The following PDCD7 variants were observed in gnomAD, a reference collection of about 807,000 sequenced individuals.
PDCD7 encodes programmed cell death protein 7.
PDCD7 carries 40 observed loss-of-function variants against 42.1 expected under a neutral mutation model. The ratio of observed to expected loss-of-function variants is 0.95; its 90% CI spans 0.74 to 1.24. The LOEUF (loss-of-function observed/expected upper bound fraction) is 1.24. PDCD7 is among the 50% of genes most tolerant of loss of function. PDCD7 has a pLI of 0.00. For synonymous variants in PDCD7, 299 were observed against 303.3 expected (o/e 0.99, Z 0.15); for missense variants, 644 against 662.8 (o/e 0.97, Z 0.31).
At chr15:65,118,991 A>G (rs1452807285) in intron 4 of PDCD7, 151 bp from the exon 5 acceptor site, 2 of 528,788 alleles carry the variant, frequency 3.8e-6, no homozygotes, top group East Asian at 6.7e-5. Flanking sequence ...AAATGACTAT[A>G]TTTCTTAAAT....
chr15:65,120,009 C>T, intron 2 of PDCD7, 55 bp from the exon 3 acceptor site: 2 of 1,547,148 alleles, frequency 1.3e-6, no homozygotes, highest in African/African-American at 2.8e-5. Flanking sequence ...GAGACAAGGC[C>T]TCGCTCTAAC....
chr15:65,127,439 G>A (rs938430453), intron 2 of PDCD7, among the ~76,000 whole-genome samples: 1 of 149,530 alleles, frequency 6.7e-6, no homozygotes, highest in East Asian at 1.9e-4. Context: ...AGTCCGGCCT[G>A]GGCGACAGAG....
At position 65,119,804 on chromosome 15, in the gene PDCD7, C is replaced by A. The variant is rs1273439450; in HGVS notation, c.1160G>T (p.Arg387Ile). Residue 387 changes from arginine to isoleucine, a missense_variant, in exon 3 of 5, where the codon AGA becomes ATA. By Grantham distance (97) the Arg-to-Ile change is moderately conservative. Transcript: ENST00000204549. ...LEGEQEEERK[R>I]ELEKKQRKEK... The stretch of plus-strand genomic sequence containing the variant: ...TTTTCTTTGTTTCTTTTCTAATTCT[C>A]TTTTCCTCTCTTCCTCTTGTTCTCC... The A allele has an allele frequency of 1.9e-6, 3 of 1,613,518 alleles. No homozygotes were observed. In the East Asian group the frequency reaches 6.7e-5, roughly 36 times the overall value.
At chr15:65,127,733 T>C (rs1256874823) in intron 2 of PDCD7, among the ~76,000 whole-genome samples, 1 of 152,198 alleles carries the variant, frequency 6.6e-6, no homozygotes, top group Non-Finnish European at 1.5e-5. Flanking sequence ...TAGATAATGA[T>C]TTTCCTAAAA....
chr15:65,120,528 G>A (rs1287284327), intron 2 of PDCD7, among the ~76,000 whole-genome samples: 1 of 152,086 alleles, frequency 6.6e-6, no homozygotes, highest in East Asian at 1.9e-4. Context: ...CTAACACGGT[G>A]AAACCCCGTC....
At chr15:65,123,250 C>A (rs531630407) in intron 2 of PDCD7, among the ~76,000 whole-genome samples, 1 of 152,162 alleles carries the variant, frequency 6.6e-6, no homozygotes, top group Non-Finnish European at 1.5e-5. Context: ...TACAGTGGCG[C>A]GATCTCACCT....
chr15:65,131,215 T>C (rs553925935), intron 1 of PDCD7, among the ~76,000 whole-genome samples: 1 of 152,144 alleles, frequency 6.6e-6, no homozygotes, highest in African/African-American at 2.4e-5. Context: ...AGAAGTGAAC[T>C]GCGCATGGAA....
intron 2 of PDCD7, among the ~76,000 whole-genome samples, chr15:65,123,922 T>C (rs577003083): frequency 6.6e-6 from 1 of 152,296 alleles, no homozygotes; most frequent in East Asian, 1.9e-4. Context: ...CCTTTACAGG[T>C]AAATATTTTA....
At position 65,133,637 on chromosome 15, in the gene PDCD7, G is replaced by T. The variant is rs2087563186; in HGVS notation, c.145C>A (p.Pro49Thr). The change falls in exon 1 of 5, where the codon CCG becomes ACG. Residue 49 changes from proline to threonine, a missense_variant. Pro to Thr is a conservative substitution (Grantham distance 38). Coordinates refer to ENST00000204549, the MANE Select transcript of PDCD7 (RefSeq NM_005707.2). ...PPLPQRPGPF[P>T]GASAPFLQPP... is the part of the protein sequence containing the mutation. ...TGAAGGAAGGGGGCGGAGGCCCCCG[G>T]AAAAGGGCCGGGCCGCTGGGGGAGA... The T allele has an allele frequency of 8.0e-7, 1 of 1,253,272 alleles. No homozygotes were observed. Among genetic ancestry groups the T allele is most frequent in the African/African-American group, 1.5e-5 (1 of 64,560 alleles). 77.6% of individuals were successfully genotyped at this position (1,253,272 alleles called of 1,614,324 possible).
At chr15:65,132,463 G>A (rs1223078625) in intron 1 of PDCD7, among the ~76,000 whole-genome samples, 3 of 151,994 alleles carry the variant, frequency 2.0e-5, no homozygotes, top group African/African-American at 7.2e-5. Flanking sequence ...TCTTGGCCAG[G>A]CTGGTCTTGA....
Position 65,119,366 on chromosome 15 carries a change from C to A in PDCD7, c.1334+10G>T, listed in dbSNP as rs1191194418. On this transcript the variant is annotated intron_variant, in intron 4 of 4. Transcript: ENST00000204549. ...AGAGAAAGACAACATGGAGAGCCAG[C>A]CCCTCTGACCTGATCTGGATGAGCG... 1.3e-6 allele frequency: 2 copies of A among 1,599,204 alleles called. No homozygotes were observed. Among genetic ancestry groups the A allele is most frequent in the African/African-American group, 2.7e-5 (2 of 74,592 alleles).
Position 65,133,773 on chromosome 15 carries a change from C to T in PDCD7, c.9G>A (p.Leu3=). Residue 3 remains leucine, a synonymous_variant, in exon 1 of 5, where the codon CTG becomes CTA. Transcript: ENST00000204549. The part of the protein sequence containing the change: MA[L]PPFFGQGRPG... ...GGCGACCCTGGCCGAAGAATGGTGG[C>T]AGGGCCATGTTCACGACGGAGATGC... The T allele has an allele frequency of 7.4e-7, 1 of 1,354,786 alleles. No individual in the cohort carries two copies. The highest frequency in any genetic ancestry group is 9.5e-7 in the Non-Finnish European group (1 of 1,051,390). 83.9% of individuals were successfully genotyped at this position (1,354,786 alleles called of 1,614,324 possible).
intron 1 of PDCD7, among the ~76,000 whole-genome samples, chr15:65,130,401 G>T (rs1000905079): frequency 6.6e-6 from 1 of 151,860 alleles, no homozygotes; most frequent in Non-Finnish European, 1.5e-5. Flanking sequence ...CAGGTGATCC[G>T]CCCGCCTTGG....
intron 2 of PDCD7, among the ~76,000 whole-genome samples, chr15:65,121,747 G>A (rs2087456578): frequency 6.6e-6 from 1 of 152,162 alleles, no homozygotes; most frequent in Non-Finnish European, 1.5e-5. Context: ...GTTATTAGGT[G>A]ATATCAAAGA....
chr15:65,129,197 C>T (rs1160748007), intron 1 of PDCD7, 27 bp from the exon 2 acceptor site: 1 of 1,611,430 alleles, frequency 6.2e-7, no homozygotes, highest in South Asian at 1.1e-5. Flanking sequence ...GCCCATGAGA[C>T]CTCGTATTAG....
At chr15:65,131,560 C>A (rs2087539936) in intron 1 of PDCD7, among the ~76,000 whole-genome samples, 2 of 152,132 alleles carry the variant, frequency 1.3e-5, no homozygotes, top group Admixed American at 1.3e-4. Context: ...ACCAGTCTGA[C>A]CAACATGGAG....
At chr15:65,125,952 G>A (rs1359201574) in intron 2 of PDCD7, among the ~76,000 whole-genome samples, 1 of 152,226 alleles carries the variant, frequency 6.6e-6, no homozygotes, top group Non-Finnish European at 1.5e-5. Flanking sequence ...AAGAGGGCGT[G>A]TGCAAGGAAA....
Position 65,119,427 on chromosome 15 carries a change from CG to C in PDCD7, c.1282del (p.Arg428AspfsTer75). On this transcript the variant is annotated frameshift_variant, in exon 4 of 5. Coordinates refer to ENST00000204549, the MANE Select transcript of PDCD7 (RefSeq NM_005707.2). LOFTEE classifies it high-confidence loss of function. ...GTGCTCGGCTTGGAGATAATACTGT[CG>C]GAAAGGCTCCAAGAGGTGAGCAAGT... ...FPLAHLLEPF[R>X]QYYLQAEHSL... 1 of 1,613,936 alleles carries C rather than the reference CG, an allele frequency of 6.2e-7. No homozygotes were observed. Among genetic ancestry groups the C allele is most frequent in the Middle Eastern group, 1.6e-4 (1 of 6,062 alleles).
chr15:65,123,180 A>G (rs550186781), intron 2 of PDCD7, among the ~76,000 whole-genome samples: 6 of 152,318 alleles, frequency 3.9e-5, no homozygotes, highest in African/African-American at 1.4e-4. Context: ...ATGATTTTCA[A>G]CAAGGTTTTT....
Sources: gnomAD v4.1 joint callset for allele counts (sites outside exome capture counted in the v4.1 genomes callset) on GRCh38, gnomAD v4.1.1 for gene constraint, MANE v1.5 for transcripts, NCBI Gene and HGNC (gene_info 2026-07-23, HGNC 2026-07-21) for gene names.